The following RCBTB2 variants were observed in gnomAD, a reference collection of about 807,000 sequenced individuals.
RCBTB2 encodes RCC1 and BTB domain-containing protein 2.
RCBTB2 carries 55 observed loss-of-function variants against 65.4 expected under a neutral mutation model. The ratio of observed to expected loss-of-function variants is 0.84; its 90% CI spans 0.68 to 1.05. The LOEUF is 1.05. Among genes scored for constraint, RCBTB2 ranks in the 50% least tolerant of loss-of-function variants. The pLI is 0.00. For synonymous variants in RCBTB2, 220 were observed against 255.2 expected, an observed-to-expected ratio of 0.86 and a Z score of 1.31; for missense variants, 599 against 680.1, an observed-to-expected ratio of 0.88 and a Z score of 1.33.
chr13:48,515,924 C>T (rs776065262), intron 4 of RCBTB2, among the ~76,000 whole-genome samples, 183 bp from the exon 5 acceptor site: 3 of 152,216 alleles, frequency 2.0e-5, no homozygotes, highest in African/African-American at 4.8e-5. Context: ...TCACAGCCAT[C>T]GAGCAGCGGA....
rs748081682 is a variant in RCBTB2, at chr13:48,510,779, G to GA, written c.784-9dup. On this transcript the variant is annotated splice_polypyrimidine_tract_variant and intron_variant, in intron 9 of 14. Coordinates refer to ENST00000344532, the MANE Select transcript of RCBTB2 (RefSeq NM_001268.4). ...TGCGTAGCCACAGGCGACCTGGAAG[G>GA]AAAAAAATCCACTCAGGACTGCAAA... 55 of 1,603,614 alleles carry GA rather than the reference G, an allele frequency of 3.4e-5. 3 individuals are homozygous for GA. The Middle Eastern group carries it at 6.6e-4, about 19-fold the overall frequency.
intron 10 of RCBTB2, among the ~76,000 whole-genome samples, chr13:48,505,321 T>C (rs2138487397): frequency 6.6e-6 from 1 of 152,358 alleles, no homozygotes; most frequent in African/African-American, 2.4e-5. Flanking sequence ...CTCAGCCTTT[T>C]AAGTGACAAA....
chr13:48,501,988 A>G, intron 11 of RCBTB2, 120 bp from the exon 12 acceptor site: 1 of 727,298 alleles, frequency 1.4e-6, no homozygotes, highest in South Asian at 3.0e-5. Context: ...ATAACTGAGC[A>G]ACTGAGCAAT....
chr13:48,502,171 CA>C (rs1950266904), intron 11 of RCBTB2, among the ~76,000 whole-genome samples: 1 of 152,004 alleles, frequency 6.6e-6, no homozygotes, highest in African/African-American at 2.4e-5. Context: ...AAGTAAAAAA[CA>C]GTTTCTCAGT....
chr13:48,495,763 T>C (rs1949939452), intron 14 of RCBTB2, among the ~76,000 whole-genome samples: 1 of 152,220 alleles, frequency 6.6e-6, no homozygotes, highest in South Asian at 2.1e-4. Context: ...TGAAAAGTTA[T>C]ACCTTGTTTT....
chr13:48,493,315 A>ACACACACTCTCTCTCT (rs759504798), intron 14 of RCBTB2, among the ~76,000 whole-genome samples: 2 of 75,028 alleles, frequency 2.7e-5, no homozygotes, highest in Admixed American at 1.4e-4. Context: ...ACACACACAC[A>ACACACACTCTCTCTCT]CTCTCTCTCT....
intron 4 of RCBTB2, 21 bp downstream of exon 4, chr13:48,521,877 A>G (rs1339083916): frequency 6.2e-7 from 1 of 1,611,084 alleles, no homozygotes; most frequent in Non-Finnish European, 8.5e-7. Context: ...ACATGCTCCA[A>G]GGGCATGATT....
chr13:48,494,977 G>T (rs1289282206), intron 14 of RCBTB2, among the ~76,000 whole-genome samples: 3 of 151,952 alleles, frequency 2.0e-5, no homozygotes, highest in Admixed American at 1.3e-4. Flanking sequence ...AATGTTCTCT[G>T]GTTGATGAGT....
At chr13:48,493,924 G>T (rs1300517706) in intron 14 of RCBTB2, among the ~76,000 whole-genome samples, 1 of 152,152 alleles carries the variant, frequency 6.6e-6, no homozygotes, top group East Asian at 1.9e-4. Context: ...TGCCAGGCAT[G>T]TAGCAGGCAC....
intron 14 of RCBTB2, among the ~76,000 whole-genome samples, chr13:48,493,313 A>ACTCTCTCTCTCTCTCTCTCTCTCTCTCT (rs1213235186): frequency 6.7e-5 from 4 of 60,142 alleles, no homozygotes; most frequent in East Asian, 1.2e-3. Flanking sequence ...ACACACACAC[A>ACTCTCTCTCTCTCTCTCTCTCTCTCTCT]CACTCTCTCT....
At chr13:48,496,384 C>G in intron 13 of RCBTB2, 63 bp from the exon 14 acceptor site, 1 of 1,429,480 alleles carries the variant, frequency 7.0e-7, no homozygotes, top group Non-Finnish European at 9.3e-7. Flanking sequence ...CAGTTGCTCA[C>G]TCAGCCACTC....
intron 14 of RCBTB2, 62 bp from the exon 15 acceptor site, chr13:48,490,313 A>G (rs1304079577): frequency 1.4e-5 from 20 of 1,458,624 alleles, no homozygotes; most frequent in Admixed American, 9.7e-5. Context: ...GCAACATAGC[A>G]TGAAAATCGC....
rs759701030 is a variant in RCBTB2 at position 48,512,146 on chromosome 13, C to A, written c.545G>T (p.Gly182Val). The A allele has an allele frequency of 5.6e-6, 9 of 1,613,924 alleles. No individual in the cohort carries two copies. Among genetic ancestry groups the A allele is most frequent in the Non-Finnish European group, 7.6e-6 (9 of 1,179,936 alleles). Reference sequence around the variant, plus strand: ...AACTGTTGATCCAGATCCTACCTGCCCAGAGTTATTATAACCCCAGGCAAA... The same window carrying A: ...AACTGTTGATCCAGATCCTACCTGCACAGAGTTATTATAACCCCAGGCAAA... ...EVFAWGYNNSGQVGSGSTVNQ... is the reference protein window; with the variant it reads ...EVFAWGYNNSVQVGSGSTVNQ... Residue 182 changes from glycine to valine, a missense_variant, in exon 8 of 15, where the codon GGG (glycine) becomes GTG (valine). Coordinates refer to ENST00000344532, the MANE Select transcript of RCBTB2 (RefSeq NM_001268.4).
chr13:48,496,191 C>T lies in RCBTB2; in HGVS notation c.1515G>A (p.Gln505=), dbSNP rs776030242. The change falls in exon 14 of 15, where the codon CAG becomes CAA. Residue 505 remains glutamine, a splice_region_variant and synonymous_variant. Coordinates refer to ENST00000344532, the MANE Select transcript of RCBTB2 (RefSeq NM_001268.4). ...GCAGCTGGAAGCAAGCTTTCCTTACCTGTGCATCATACTTCACCGCAGCCG... is the reference window on the plus strand; with the variant it reads ...GCAGCTGGAAGCAAGCTTTCCTTACTTGTGCATCATACTTCACCGCAGCCG... ...LLSAAVKYDA[Q]DLEEFCFRFC... 3 of 1,491,154 alleles carry T rather than the reference C, an allele frequency of 2.0e-6. No individual in the cohort carries two copies. Among genetic ancestry groups the T allele is most frequent in the Non-Finnish European group, 2.7e-6 (3 of 1,112,968 alleles). 92.4% of individuals were successfully genotyped at this position (1,491,154 alleles called of 1,614,324 possible). A position where few individuals can be genotyped will look rare whatever the true frequency, so the allele number is the denominator to read the frequency against.
chr13:48,502,952 C>T (rs112173107), intron 10 of RCBTB2, 38 bp from the exon 11 acceptor site: 27 of 1,521,010 alleles, frequency 1.8e-5, no homozygotes, highest in South Asian at 6.2e-5. Flanking sequence ...GCACAGTGAC[C>T]GGGGCAGAAA....
At chr13:48,535,588 G>C (rs1343080866), upstream of RCBTB2, 6 of 447,500 alleles carry the variant, frequency 1.3e-5, no homozygotes, top group East Asian at 4.2e-4. Context: ...TTTCAGCCAG[G>C]CTTTTGCCCC....
intron 4 of RCBTB2, among the ~76,000 whole-genome samples, chr13:48,520,633 C>T (rs1345437132): frequency 2.6e-5 from 4 of 152,136 alleles, no homozygotes; most frequent in African/African-American, 7.2e-5. Flanking sequence ...TAAGGAAATA[C>T]ATCTGCCACA....
chr13:48,497,226 T>C lies in RCBTB2; in HGVS notation c.1385-905A>G, dbSNP rs192405814. On this transcript the variant is annotated intron_variant, in intron 13 of 14. Coordinates refer to ENST00000344532, the MANE Select transcript of RCBTB2 (RefSeq NM_001268.4). ...GTTCTCTAGGCTGGATCATTTTTCC[T>C]GACTTCCAAATGTTTGAGTGCCCCA... Among the ~76,000 whole-genome samples the C allele has an allele frequency of 8.3e-4, 127 of 152,346 alleles. 1 individual carries two copies. In the East Asian group the frequency reaches 0.014, roughly 16 times the overall value.
intron 13 of RCBTB2, among the ~76,000 whole-genome samples, chr13:48,499,142 A>ACACTCTCTCT (rs1366425462): frequency 1.4e-4 from 18 of 132,384 alleles, no homozygotes; most frequent in African/African-American, 4.1e-4. Context: ...ACACACACAC[A>ACACTCTCTCT]CTCTCTCTCT....
Sources: gnomAD v4.1 joint callset for allele counts (sites outside exome capture counted in the v4.1 genomes callset) on GRCh38, gnomAD v4.1.1 for gene constraint, MANE v1.5 for transcripts, NCBI Gene and HGNC (gene_info 2026-07-23, HGNC 2026-07-21) for gene names.